The following GK5 variants were observed in gnomAD, a reference collection of about 807,000 sequenced individuals.
The protein encoded by GK5 is glycerol kinase 5.
In GK5, 39 loss-of-function variants were observed where a neutral mutation model predicts 77.3. The ratio of observed to expected loss-of-function variants is 0.50; its 90% CI spans 0.39 to 0.66. The LOEUF (loss-of-function observed/expected upper bound fraction) is 0.66. Among genes scored for constraint, GK5 ranks in the 30% least tolerant of loss-of-function variants. The pLI is 0.00. For missense variants in GK5, 487 were observed against 633.8 expected, an observed-to-expected ratio of 0.77 and a Z score of 2.49; for synonymous variants, 211 against 208.0, an observed-to-expected ratio of 1.01 and a Z score of -0.13.
At position 142,159,853 on chromosome 3, in the gene GK5, C is replaced by CTTTTTTTTTTTTTTTTTTTTTTTTTTTT. The variant is rs748129972; in HGVS notation, c.*5768_*5769insAAAAAAAAAAAAAAAAAAAAAAAAAAAA. On this transcript the variant is annotated 3_prime_UTR_variant, in exon 16 of 16. Coordinates refer to ENST00000392993, the MANE Select transcript of GK5 (RefSeq NM_001039547.3). ...TTTCTCTCTCTCTCTCTCTCTCTCT[C>CTTTTTTTTTTTTTTTTTTTTTTTTTTTT]TTTTTTTTTTTTGAGACAGAGTCTC... is the stretch of plus-strand genomic sequence containing the variant. 4 of 106,122 alleles carry CTTTTTTTTTTTTTTTTTTTTTTTTTTTT rather than the reference C, an allele frequency of 3.8e-5. No individual in the cohort carries two copies. The highest frequency in any genetic ancestry group is 5.7e-5 in the Non-Finnish European group (3 of 53,066). The allele number at this position is 106,122 out of a possible 1,614,324, so 6.6% of individuals were successfully genotyped here.
At position 142,170,241 on chromosome 3, in the gene GK5, G is replaced by T. The variant is rs146183731; in HGVS notation, c.1441+84C>A. ...ACGCCAAGGCTTTCCAGACTCTCTA[G>T]AATTTTGTAATTTGAGAGGAGAAAT... On this transcript the variant is annotated intron_variant, in intron 15 of 15. Transcript: ENST00000392993. 9.7e-4 allele frequency: 1,374 copies of T among 1,418,058 alleles called. 6 individuals carry two copies. The African/African-American group carries it at 0.016, about 16-fold the overall frequency. The allele number at this position is 1,418,058 out of a possible 1,614,324, so 87.8% of individuals were successfully genotyped here.
chr3:142,210,256 T>C (rs2064173535), intron 3 of GK5, among the ~76,000 whole-genome samples: 2 of 152,092 alleles, frequency 1.3e-5, no homozygotes, highest in South Asian at 4.1e-4. Flanking sequence ...GCACCATGGA[T>C]GCAGGAGGAA....
At position 142,181,470 on chromosome 3, in the gene GK5, G is replaced by C; in HGVS notation, c.1039C>G (p.Gln347Glu). 1 of 1,604,184 alleles carries C rather than the reference G, an allele frequency of 6.2e-7. No homozygotes were observed. Among genetic ancestry groups the C allele is most frequent in the Non-Finnish European group, 8.5e-7 (1 of 1,173,636 alleles). ...TTAAAAGACAACTTACCTAACTGCTGAGCCCATTTTATGGCAGTACCAGTG... is the reference window on the plus strand; with the variant it reads ...TTAAAAGACAACTTACCTAACTGCTCAGCCCATTTTATGGCAGTACCAGTG... ...GDTGTAIKWA[Q>E]QLDLFTDAAE... Residue 347 changes from glutamine to glutamate, a missense_variant, in exon 11 of 16, where the codon CAG (glutamine) becomes GAG (glutamate). Physicochemically the swap from Gln to Glu is conservative, Grantham distance 29. Transcript: ENST00000392993.
At chr3:142,214,312 G>A (rs2064241579) in intron 2 of GK5, among the ~76,000 whole-genome samples, 1 of 152,200 alleles carries the variant, frequency 6.6e-6, no homozygotes, top group Non-Finnish European at 1.5e-5. Context: ...AAGGAAAGTA[G>A]TCTAATTATT....
intron 9 of GK5, among the ~76,000 whole-genome samples, chr3:142,184,280 A>G (rs917658834): frequency 1.9e-4 from 28 of 149,326 alleles, no homozygotes; most frequent in Admixed American, 7.3e-4. Context: ...AAAAAAAAAA[A>G]AAAAAAGAAA....
chr3:142,172,466 G>C lies in GK5; in HGVS notation c.1144-10C>G. The C allele has an allele frequency of 7.1e-7, 1 of 1,401,764 alleles. No individual in the cohort carries two copies. The highest frequency in any genetic ancestry group is 1.0e-6 in the Non-Finnish European group (1 of 998,084). 86.8% of individuals were successfully genotyped at this position (1,401,764 alleles called of 1,614,324 possible). A position where few individuals can be genotyped will look rare whatever the true frequency, so the allele number is the denominator to read the frequency against. ...GGTCATTTAATGGAGCCTACAGTAA[G>C]AGATAACAAGAATATATTATTATTA... On this transcript the variant is annotated splice_polypyrimidine_tract_variant and intron_variant, in intron 12 of 15. Coordinates refer to ENST00000392993, the MANE Select transcript of GK5 (RefSeq NM_001039547.3).
At position 142,225,392 on chromosome 3, in the gene GK5, G is replaced by A. The variant is rs755595071; in HGVS notation, c.64C>T (p.Leu22=). 9 of 1,597,466 alleles carry A rather than the reference G, an allele frequency of 5.6e-6. No homozygotes were observed. The African/African-American group carries it at 6.7e-5, about 12-fold the overall frequency. ...ACAGAACTGCCCACATCCAGCCCCA[G>A]CACGAAGCCGGGGTACCGCGGCTCC... ...AQEPRYPGFV[L]GLDVGSSVIR... Residue 22 remains leucine, a synonymous_variant, in exon 1 of 16, where the codon CTG becomes TTG. Coordinates refer to ENST00000392993, the MANE Select transcript of GK5 (RefSeq NM_001039547.3).
At position 142,159,580 on chromosome 3, in the gene GK5, G is replaced by A. The variant is rs1048316887; in HGVS notation, c.*6042C>T. ...ATATGATACAGCCAATGACTTAGGTGCCAATAGATGCTGGTGCCAAAATAT... is the reference window on the plus strand; with the variant it reads ...ATATGATACAGCCAATGACTTAGGTACCAATAGATGCTGGTGCCAAAATAT... On this transcript the variant is annotated 3_prime_UTR_variant, in exon 16 of 16. Transcript: ENST00000392993. 2.6e-5 allele frequency: 4 copies of A among 151,388 alleles called. No individual in the cohort carries two copies. Among genetic ancestry groups the A allele is most frequent in the African/African-American group, 4.9e-5 (2 of 41,084 alleles). The allele number at this position is 151,388 out of a possible 1,614,324, so 9.4% of individuals were successfully genotyped here. A position where few individuals can be genotyped will look rare whatever the true frequency, so the allele number is the denominator to read the frequency against.
intron 5 of GK5, among the ~76,000 whole-genome samples, chr3:142,188,934 A>T (rs1286042162): frequency 6.6e-6 from 1 of 152,238 alleles, no homozygotes; most frequent in African/African-American, 2.4e-5. Flanking sequence ...TTAGGGTGTT[A>T]TTAACATACT....
Position 142,197,055 on chromosome 3 carries a change from C to T in GK5, c.543+1747G>A, listed in dbSNP as rs1159125424. Among the ~76,000 whole-genome samples the T allele has an allele frequency of 2.0e-5, 3 of 152,090 alleles. No individual in the cohort carries two copies. In the South Asian group the frequency reaches 6.2e-4, roughly 32 times the overall value. ...ACAAAAAATTAGCCAGGTGCGGGGG[C>T]GGGTGCCTGTAGTCCCAGCTACTCG... is the stretch of plus-strand genomic sequence containing the variant. On this transcript the variant is annotated intron_variant, in intron 5 of 15. Coordinates refer to ENST00000392993, the MANE Select transcript of GK5 (RefSeq NM_001039547.3).
At chr3:142,208,177 C>G (rs2064138222) in intron 3 of GK5, among the ~76,000 whole-genome samples, 1 of 152,214 alleles carries the variant, frequency 6.6e-6, no homozygotes, top group African/African-American at 2.4e-5. Context: ...ACATAGCTTA[C>G]TTATTATTTA....
chr3:142,181,647 T>C, intron 10 of GK5, 82 bp from the exon 11 acceptor site: 1 of 1,023,206 alleles, frequency 9.8e-7, no homozygotes, highest in Non-Finnish European at 1.5e-6. Flanking sequence ...GATTTGGTTA[T>C]CTCAAAAAAC....
At chr3:142,168,234 C>G (rs766776663) in intron 15 of GK5, among the ~76,000 whole-genome samples, 51 of 152,022 alleles carry the variant, frequency 3.4e-4, no homozygotes, top group Non-Finnish European at 7.1e-4. Flanking sequence ...CGTGATTTAC[C>G]TTGTTACAGT....
intron 14 of GK5, among the ~76,000 whole-genome samples, 159 bp from the exon 15 acceptor site, chr3:142,170,617 C>T (rs1424822531): frequency 6.6e-6 from 1 of 152,136 alleles, no homozygotes; most frequent in Non-Finnish European, 1.5e-5. Flanking sequence ...TGACAGAGAA[C>T]CTTACTGGGT....
At chr3:142,170,097 T>C in intron 15 of GK5, 1 of 598,008 alleles carries the variant, frequency 1.7e-6, no homozygotes, top group Middle Eastern at 2.6e-4. Context: ...ACTGTTCTTG[T>C]CTCATACTTC....
chr3:142,223,172 T>TA (rs1286289084), intron 1 of GK5, among the ~76,000 whole-genome samples: 2 of 152,202 alleles, frequency 1.3e-5, no homozygotes, highest in Admixed American at 6.5e-5. Flanking sequence ...ACTTCATTCC[T>TA]AAAAAAACTA....
At chr3:142,180,660 C>T in intron 11 of GK5, among the ~76,000 whole-genome samples, 1 of 152,018 alleles carries the variant, frequency 6.6e-6, no homozygotes, top group Non-Finnish European at 1.5e-5. Flanking sequence ...CTCTCTGACC[C>T]CCCTTTTCTC....
chr3:142,195,336 T>C (rs1050919681), intron 5 of GK5, among the ~76,000 whole-genome samples: 1 of 151,978 alleles, frequency 6.6e-6, no homozygotes, highest in Non-Finnish European at 1.5e-5. Context: ...TGAAGTTTTG[T>C]GTGTGTGTGT....
intron 15 of GK5, among the ~76,000 whole-genome samples, chr3:142,167,651 G>A (rs1384689379): frequency 6.6e-6 from 1 of 152,184 alleles, no homozygotes; most frequent in Admixed American, 6.5e-5. Context: ...TGAGACAGAA[G>A]CAAATATCTG....
Sources: allele counts gnomAD v4.1 joint callset (sites outside exome capture counted in the v4.1 genomes callset), GRCh38; gene constraint gnomAD v4.1.1; transcripts MANE v1.5; gene names NCBI Gene and HGNC (gene_info 2026-07-23, HGNC 2026-07-21).